The following FBXL19 variants were observed in gnomAD, a reference collection of about 807,000 sequenced individuals.
FBXL19 encodes F-box and leucine rich repeat protein 19, also known as F-box/LRR-repeat protein 19.
In FBXL19, 16 loss-of-function variants were observed where a neutral mutation model predicts 71.2. The observed-to-expected ratio is 0.22, with a 90% CI of 0.15 to 0.34. FBXL19 has a LOEUF of 0.34. FBXL19 is among the 10% of genes least tolerant of loss of function. FBXL19 has a pLI of 1.00. For missense variants in FBXL19, 658 were observed against 968.2 expected (o/e 0.68, Z 4.25); for synonymous variants, 447 against 409.4 (o/e 1.09, Z -1.11).
rs771051806 is a variant in FBXL19 at position 30,928,576 on chromosome 16, C to T, written c.737C>T (p.Pro246Leu). The change falls in exon 6 of 11, where the codon CCG becomes CTG. Residue 246 changes from proline (P) to leucine (L), a missense_variant. Around this residue, in one of 8 missense-constraint regions of FBXL19, gnomAD observed 447 missense variants for 515.4 expected, o/e 0.87. Coordinates refer to ENST00000338343, the MANE Select transcript of FBXL19 (RefSeq NM_001382779.1). The stretch of plus-strand genomic sequence containing the variant: ...CTGCTGCCCCCCAGGGTTCTGAATC[C>T]GAGCCAGGCTTTCTCATCCTGCCAC... ...PGLLPPRVLN[P>L]SQAFSSCHPG... 3.7e-6 allele frequency: 6 copies of T among 1,605,932 alleles called. No homozygotes were observed. Among genetic ancestry groups the T allele is most frequent in the South Asian group, 1.1e-5 (1 of 89,972 alleles).
At chr16:30,940,133 C>G (rs1027241747) in intron 7 of FBXL19, among the ~76,000 whole-genome samples, 1 of 152,076 alleles carries the variant, frequency 6.6e-6, no homozygotes, top group Non-Finnish European at 1.5e-5. Context: ...TGGCGCATGC[C>G]TGTAATCCCA....
chr16:30,923,076 C>T (rs1193069626), upstream of FBXL19: 1 of 456,804 alleles, frequency 2.2e-6, no homozygotes. Context: ...AGTCCTCTTT[C>T]CTTTTCACCT....
Position 30,930,219 on chromosome 16 carries a change from C to A in FBXL19, c.936C>A (p.Ser312=). Residue 312 remains serine, a synonymous_variant, in exon 7 of 11, where the codon TCC becomes TCA. Transcript: ENST00000338343. This position sits in a 1 kb window ranked among gnomAD's most constrained non-coding sequence, Gnocchi z 8.5. ...DTSSSSSDSD[S]DSDSSGTSLS... ...CCTCTTCCTCCTCGGACTCAGACTC[C>A]GACTCCGACTCTTCGGGCACATCGC... is the stretch of plus-strand genomic sequence containing the variant. 1 of 1,613,074 alleles carries A rather than the reference C, an allele frequency of 6.2e-7. No individual in the cohort carries two copies. Among genetic ancestry groups the A allele is most frequent in the Non-Finnish European group, 8.5e-7 (1 of 1,179,874 alleles).
chr16:30,926,039 C>T (rs374864917), intron 2 of FBXL19, 108 bp downstream of exon 2: 53 of 1,338,002 alleles, frequency 4.0e-5, no homozygotes, highest in Admixed American at 1.6e-4. Flanking sequence ...TTTGTTCACT[C>T]GTTCATTTCT....
At chr16:30,934,948 C>T (rs1449179387) in intron 7 of FBXL19, among the ~76,000 whole-genome samples, 3 of 152,176 alleles carry the variant, frequency 2.0e-5, no homozygotes. Context: ...TACATCAGTA[C>T]TTGTGAGTTA....
In FBXL19 at chr16:30,947,716, A is replaced by C. The variant is rs2055877000; in HGVS notation, c.*486A>C. ...GCCACAAAAGGAAAACCGGAGGAGC[A>C]ATTGGGGATCCAGGTGTCAGAGGTA... On this transcript the variant is annotated 3_prime_UTR_variant, in exon 11 of 11. Coordinates refer to ENST00000338343, the MANE Select transcript of FBXL19 (RefSeq NM_001382779.1). The C allele has an allele frequency of 2.8e-6, 1 of 353,402 alleles. No homozygotes were observed. The allele number at this position is 353,402 out of a possible 1,614,324, so 21.9% of individuals were successfully genotyped here. A position where few individuals can be genotyped will look rare whatever the true frequency, so the allele number is the denominator to read the frequency against.
chr16:30,940,173 G>T (rs548209345), intron 7 of FBXL19, among the ~76,000 whole-genome samples: 1 of 151,838 alleles, frequency 6.6e-6, no homozygotes, highest in Non-Finnish European at 1.5e-5. Context: ...CGGGAGAATC[G>T]CTTGAACTTG....
Position 30,928,637 on chromosome 16 carries a change from G to C in FBXL19, c.789+9G>C, listed in dbSNP as rs755396814. On this transcript the variant is annotated intron_variant, in intron 6 of 10. Coordinates refer to ENST00000338343, the MANE Select transcript of FBXL19 (RefSeq NM_001382779.1). Reference sequence around the variant, plus strand: ...CTCCCGAGAACTGGGAGGTGTGCCGGGGACCTCCTCCCTCCCCTTCCCACC... The same window carrying C: ...CTCCCGAGAACTGGGAGGTGTGCCGCGGACCTCCTCCCTCCCCTTCCCACC... 1 of 1,550,254 alleles carries C rather than the reference G, an allele frequency of 6.5e-7. No homozygotes were observed. Among genetic ancestry groups the C allele is most frequent in the African/African-American group, 1.4e-5 (1 of 72,146 alleles).
At position 30,930,423 on chromosome 16, in the gene FBXL19, C is replaced by T. The variant is rs993973458; in HGVS notation, c.1140C>T (p.His380=). The change falls in exon 7 of 11, where the codon CAC becomes CAT. Residue 380 remains histidine, a synonymous_variant. Transcript: ENST00000338343. The surrounding 1 kb of genome is among the most constrained non-coding windows in gnomAD (Gnocchi z 8.5). ...PPPRPPQLER[H]VVRPPPRSPE... ...CCCGGCCTCCACAGCTGGAGCGGCA[C>T]GTGGTGCGGCCCCCGCCTCGAAGCC... is the stretch of plus-strand genomic sequence containing the variant. 7.2e-6 allele frequency: 11 copies of T among 1,524,742 alleles called. No individual in the cohort carries two copies. In the East Asian group the frequency reaches 7.4e-5, roughly 10 times the overall value. 94.5% of individuals were successfully genotyped at this position (1,524,742 alleles called of 1,614,324 possible). A position where few individuals can be genotyped will look rare whatever the true frequency, so the allele number is the denominator to read the frequency against.
rs910134946 is a variant in FBXL19, at chr16:30,925,129, G to T, written c.-24-602G>T. On this transcript the variant is annotated intron_variant, in intron 1 of 10. Coordinates refer to ENST00000338343, the MANE Select transcript of FBXL19 (RefSeq NM_001382779.1). The surrounding 1 kb of genome is among the most constrained non-coding windows in gnomAD (Gnocchi z 5.0). ...CTCTGGGGAGTTAGTGGGCAGAGGA[G>T]ATCGTTAGGGACTTGGGGGCAAGGA... Among the ~76,000 whole-genome samples the T allele has an allele frequency of 2.0e-5, 3 of 152,126 alleles. No individual in the cohort carries two copies. The highest frequency in any genetic ancestry group is 7.2e-5 in the African/African-American group (3 of 41,422).
At chr16:30,923,512 A>T (rs2055549264), upstream of FBXL19, among the ~76,000 whole-genome samples, 1 of 120,666 alleles carries the variant, frequency 8.3e-6, no homozygotes, top group African/African-American at 3.1e-5. Context: ...AGAAGGAGGG[A>T]GTAAAGAGGG....
rs1266842950 is a variant in FBXL19, at chr16:30,927,440, G to A, written c.310G>A (p.Gly104Ser). Reference sequence around the variant, plus strand: ...AATCTGCAACGAGATCGTCCACCCCGGCTGCCTGAAGGTGATGGCCCTGGG... The same window carrying A: ...AATCTGCAACGAGATCGTCCACCCCAGCTGCCTGAAGGTGATGGCCCTGGG... ...CTICNEIVHP[G>S]CLKMGKAEGV... Residue 104 changes from glycine to serine, a missense_variant, in exon 3 of 11, where the codon GGC becomes AGC. Physicochemically the swap from Gly to Ser is moderately conservative, Grantham distance 56 (BLOSUM62 0). This residue lies in a region of FBXL19 where 447 missense variants were observed against 515.4 expected (regional missense o/e 0.87). Coordinates refer to ENST00000338343, the MANE Select transcript of FBXL19 (RefSeq NM_001382779.1). 1.9e-6 allele frequency: 3 copies of A among 1,589,588 alleles called. No homozygotes were observed. Among genetic ancestry groups the A allele is most frequent in the African/African-American group, 1.3e-5 (1 of 74,642 alleles).
At chr16:30,927,121 C>T (rs1054601842) in intron 2 of FBXL19, among the ~76,000 whole-genome samples, 187 bp from the exon 3 acceptor site, 3 of 152,184 alleles carry the variant, frequency 2.0e-5, no homozygotes, top group Admixed American at 6.5e-5. Flanking sequence ...GATGCAGAAA[C>T]GGAGACTTAA....
At chr16:30,937,749 G>A (rs1206022563) in intron 7 of FBXL19, among the ~76,000 whole-genome samples, 3 of 152,248 alleles carry the variant, frequency 2.0e-5, no homozygotes, top group African/African-American at 7.2e-5. Context: ...GTGTCTATAG[G>A]TGGGCAGGTG....
chr16:30,935,644 A>G (rs895367700), intron 7 of FBXL19, among the ~76,000 whole-genome samples: 1 of 152,088 alleles, frequency 6.6e-6, no homozygotes, highest in Admixed American at 6.5e-5. Flanking sequence ...CCAGAGAGCT[A>G]CAAGAGGTCG....
intron 1 of FBXL19, chr16:30,924,815 G>T: frequency 7.4e-7 from 1 of 1,351,838 alleles, no homozygotes; most frequent in South Asian, 1.8e-5. Context: ...ATTCCACATG[G>T]GATCTTGGAG....
chr16:30,933,769 T>C (rs1208167155), intron 7 of FBXL19, among the ~76,000 whole-genome samples: 1 of 151,436 alleles, frequency 6.6e-6, no homozygotes, highest in Non-Finnish European at 1.5e-5. Context: ...TTTTTTTTTT[T>C]GAGATGTAGT....
intron 7 of FBXL19, among the ~76,000 whole-genome samples, chr16:30,933,062 G>A (rs1447335940): frequency 3.3e-5 from 5 of 151,484 alleles, no homozygotes; most frequent in African/African-American, 9.7e-5. Context: ...GTGCCTTGGC[G>A]CAATCTCAGC....
At chr16:30,937,024 G>A (rs1255682720) in intron 7 of FBXL19, among the ~76,000 whole-genome samples, 1 of 152,136 alleles carries the variant, frequency 6.6e-6, no homozygotes, top group Non-Finnish European at 1.5e-5. Context: ...TAACAGGCGT[G>A]AGCCACCGCA....
Sources: allele counts gnomAD v4.1 joint callset (sites outside exome capture counted in the v4.1 genomes callset), GRCh38; gene constraint gnomAD v4.1.1; regional missense constraint gnomAD v4.1.1; non-coding constraint Gnocchi (gnomAD v3.1); transcripts MANE v1.5; gene names NCBI Gene and HGNC (gene_info 2026-07-23, HGNC 2026-07-21).